The following MAP7 variants were observed in gnomAD, a reference collection of about 807,000 sequenced individuals.
MAP7 encodes the protein microtubule associated protein 7.
In MAP7, 52 loss-of-function variants were observed where a neutral mutation model predicts 94.8. The observed-to-expected ratio is 0.55, with a 90% CI of 0.44 to 0.69. The LOEUF is 0.69. Among genes scored for constraint, MAP7 ranks in the 30% least tolerant of loss-of-function variants. MAP7 has a pLI of 0.00. For synonymous variants in MAP7, 350 were observed against 357.0 expected (o/e 0.98, Z 0.22); for missense variants, 940 against 964.6 (o/e 0.97, Z 0.34).
intron 6 of MAP7, among the ~76,000 whole-genome samples, chr6:136,378,778 A>T (rs190294310): frequency 6.6e-6 from 1 of 152,376 alleles, no homozygotes; most frequent in Non-Finnish European, 1.5e-5. Flanking sequence ...ATGGCTCATG[A>T]AAAGATAGAA....
intron 1 of MAP7, among the ~76,000 whole-genome samples, chr6:136,489,589 G>T (rs531930344): frequency 6.9e-6 from 1 of 144,556 alleles, no homozygotes; most frequent in Non-Finnish European, 1.5e-5. Flanking sequence ...GTGCAGTGGC[G>T]CAATCTGAGC....
chr6:136,366,563 TATACCCA>T lies in MAP7; in HGVS notation c.877-131_877-125del. The stretch of plus-strand genomic sequence containing the variant: ...AAGAAATTTTCTTAGCTATGTCACA[TATACCCA>T]TTCCATCTCAACAAAAGGCCCTTGT... On this transcript the variant is annotated intron_variant, in intron 8 of 17. Coordinates refer to ENST00000354570, the MANE Select transcript of MAP7 (RefSeq NM_003980.6). 6.0e-6 allele frequency: 4 copies of T among 670,058 alleles called. No individual in the cohort carries two copies. In the South Asian group the frequency reaches 7.0e-5, roughly 12 times the overall value. The allele number at this position is 670,058 out of a possible 1,614,324, so 41.5% of individuals were successfully genotyped here. A position where few individuals can be genotyped will look rare whatever the true frequency, so the allele number is the denominator to read the frequency against.
rs73559034 is a variant in MAP7 at position 136,362,302 on chromosome 6, T to C, written c.1526+148A>G. 69 of 996,272 alleles carry C rather than the reference T, an allele frequency of 6.9e-5. No individual in the cohort carries two copies. The African/African-American group carries it at 1.1e-3, about 16-fold the overall frequency. The allele number at this position is 996,272 out of a possible 1,614,324, so 61.7% of individuals were successfully genotyped here. On this transcript the variant is annotated intron_variant, in intron 11 of 17. Transcript: ENST00000354570. ...GTGATTTAAAAAACAAACTGCTTAG[T>C]AGTCATAGGAAAATTAGGTAAGAGT...
intron 1 of MAP7, among the ~76,000 whole-genome samples, chr6:136,463,990 T>G (rs1448929347): frequency 6.6e-6 from 1 of 152,124 alleles, no homozygotes; most frequent in Non-Finnish European, 1.5e-5. Flanking sequence ...CACATGACCT[T>G]CATTGTGTAT....
intron 15 of MAP7, among the ~76,000 whole-genome samples, chr6:136,359,009 T>A (rs1293686243): frequency 6.6e-6 from 1 of 152,186 alleles, no homozygotes; most frequent in African/African-American, 2.4e-5. Flanking sequence ...GCTTGTTGAC[T>A]CAAAGACAAA....
chr6:136,548,386 A>G (rs1405413850), intron 1 of MAP7, among the ~76,000 whole-genome samples: 2 of 152,172 alleles, frequency 1.3e-5, no homozygotes, highest in Admixed American at 1.3e-4. Context: ...ATGCTTCTGA[A>G]CACTAAAAAC....
At chr6:136,389,267 C>T in intron 4 of MAP7, 87 bp downstream of exon 4, 1 of 1,490,866 alleles carries the variant, frequency 6.7e-7, no homozygotes, top group Non-Finnish European at 8.9e-7. Context: ...GCTTTGCACC[C>T]TGCACCTGAC....
chr6:136,411,463 T>C (rs911820540), intron 3 of MAP7, among the ~76,000 whole-genome samples, 157 bp downstream of exon 3: 1 of 152,242 alleles, frequency 6.6e-6, no homozygotes, highest in Non-Finnish European at 1.5e-5. Flanking sequence ...CTAGAGTTTA[T>C]TGTCACTTAA....
At chr6:136,477,616 C>A (rs1304757507) in intron 1 of MAP7, among the ~76,000 whole-genome samples, 2 of 152,156 alleles carry the variant, frequency 1.3e-5, no homozygotes, top group Non-Finnish European at 1.5e-5. Context: ...GCAGATATAA[C>A]AACTGCAAAT....
chr6:136,499,261 C>G (rs551333316), intron 1 of MAP7, among the ~76,000 whole-genome samples: 1 of 152,052 alleles, frequency 6.6e-6, no homozygotes, highest in African/African-American at 2.4e-5. Context: ...GCTAGCAGCC[C>G]TGAGGCTCTG....
chr6:136,491,553 A>C (rs1490898050), intron 1 of MAP7, among the ~76,000 whole-genome samples: 1 of 152,158 alleles, frequency 6.6e-6, no homozygotes. Flanking sequence ...AAGAACCACC[A>C]CCCTGTGGGC....
At chr6:136,514,870 A>G (rs974964094) in intron 1 of MAP7, among the ~76,000 whole-genome samples, 2 of 152,100 alleles carry the variant, frequency 1.3e-5, no homozygotes, top group African/African-American at 4.8e-5. Flanking sequence ...ATTGGCTTCA[A>G]CTCCAAGTCA....
At chr6:136,457,163 C>A in intron 1 of MAP7, among the ~76,000 whole-genome samples, 1 of 150,406 alleles carries the variant, frequency 6.6e-6, no homozygotes. Context: ...CTACTATGAA[C>A]AATTAAACAA....
intron 1 of MAP7, among the ~76,000 whole-genome samples, chr6:136,489,794 G>T (rs2047345741): frequency 6.6e-6 from 1 of 152,018 alleles, no homozygotes; most frequent in African/African-American, 2.4e-5. Flanking sequence ...CTCCTAAAGT[G>T]CTGGGATTAC....
intron 1 of MAP7, among the ~76,000 whole-genome samples, chr6:136,525,485 G>A (rs999890212): frequency 6.6e-6 from 1 of 152,216 alleles, no homozygotes; most frequent in Non-Finnish European, 1.5e-5. Context: ...GTGGGGAGAT[G>A]TTCGTTTAAA....
rs567150057 is a variant in MAP7, at chr6:136,497,339, T to C, written c.67+53003A>G. Among the ~76,000 whole-genome samples, 44 of 152,122 alleles carry C rather than the reference T, an allele frequency of 2.9e-4. No homozygotes were observed. The South Asian group carries it at 8.7e-3, about 30-fold the overall frequency. Reference sequence around the variant, plus strand: ...AGCTGCAAGATCTTTAAGGTGTTTTTGTTAAAATTTCACCACCGCAGTGTA... The same window carrying C: ...AGCTGCAAGATCTTTAAGGTGTTTTCGTTAAAATTTCACCACCGCAGTGTA... On this transcript the variant is annotated intron_variant, in intron 1 of 17. Coordinates refer to ENST00000354570, the MANE Select transcript of MAP7 (RefSeq NM_003980.6).
At chr6:136,440,272 GAC>G (rs1797453794) in intron 1 of MAP7, among the ~76,000 whole-genome samples, 1 of 152,192 alleles carries the variant, frequency 6.6e-6, no homozygotes, top group South Asian at 2.1e-4. Context: ...TTCCAAGGCA[GAC>G]ACACATAGAA....
At chr6:136,480,291 A>T (rs1164808964) in intron 1 of MAP7, among the ~76,000 whole-genome samples, 1 of 152,234 alleles carries the variant, frequency 6.6e-6, no homozygotes, top group South Asian at 2.1e-4. Context: ...GGATATCCAT[A>T]TGCAGAAGAA....
chr6:136,414,465 C>T (rs1001723556), intron 2 of MAP7, among the ~76,000 whole-genome samples: 1 of 151,792 alleles, frequency 6.6e-6, no homozygotes, highest in Admixed American at 6.6e-5. Context: ...TTATTAAGGG[C>T]TATCCACAGG....
Sources: gnomAD v4.1 joint callset for allele counts (sites outside exome capture counted in the v4.1 genomes callset) on GRCh38, gnomAD v4.1.1 for gene constraint, MANE v1.5 for transcripts, NCBI Gene and HGNC (gene_info 2026-07-23, HGNC 2026-07-21) for gene names.